The following PRKN variants were observed in gnomAD, a reference collection of about 807,000 sequenced individuals.
PRKN encodes the protein parkin RBR E3 ubiquitin protein ligase.
A neutral mutation model predicts 59.5 loss-of-function variants in PRKN; 56 were observed. The ratio of observed to expected loss-of-function variants is 0.94; its 90% confidence interval spans 0.76 to 1.18. The LOEUF is 1.18. Ranked by LOEUF, PRKN falls within the 50% of genes most tolerant of loss-of-function variation. PRKN has a pLI of 0.00. For synonymous variants in PRKN, 250 were observed against 222.1 expected (o/e 1.13, Z -1.12); for missense variants, 657 against 596.4 (o/e 1.10, Z -1.06).
intron 4 of PRKN, among the ~76,000 whole-genome samples, chr6:162,133,172 T>C (rs184813730): frequency 1.1e-3 from 172 of 152,300 alleles, no homozygotes; most frequent in African/African-American, 4.1e-3. Context: ...ATTCTAGACA[T>C]TGAAGACTGA....
At chr6:162,295,781 G>T (rs1001854805) in intron 2 of PRKN, among the ~76,000 whole-genome samples, 1 of 152,112 alleles carries the variant, frequency 6.6e-6, no homozygotes, top group African/African-American at 2.4e-5. Flanking sequence ...CTTGCCCTTG[G>T]AGTTTATTTT....
At chr6:162,477,240 C>G (rs554207455) in intron 1 of PRKN, among the ~76,000 whole-genome samples, 1 of 152,254 alleles carries the variant, frequency 6.6e-6, no homozygotes, top group East Asian at 1.9e-4. Flanking sequence ...TCATTGCCCA[C>G]CAACTTCTAT....
chr6:161,908,591 A>C (rs1029480363), intron 6 of PRKN, among the ~76,000 whole-genome samples: 48 of 56,936 alleles, frequency 8.4e-4, no homozygotes, highest in Non-Finnish European at 1.7e-3. Flanking sequence ...GATTACAAGA[A>C]AAAAAAACGA....
At chr6:162,246,238 A>G (rs1779186170) in intron 3 of PRKN, among the ~76,000 whole-genome samples, 1 of 152,076 alleles carries the variant, frequency 6.6e-6, no homozygotes. Context: ...CCCTCATGCA[A>G]TCTGACTACT....
chr6:161,951,065 C>G (rs914646514), intron 6 of PRKN, among the ~76,000 whole-genome samples: 3 of 150,510 alleles, frequency 2.0e-5, no homozygotes, highest in African/African-American at 7.4e-5. Flanking sequence ...AGTAATCAGT[C>G]TAAAAAAAGT....
At chr6:162,437,589 A>AC (rs1789840134) in intron 2 of PRKN, among the ~76,000 whole-genome samples, 1 of 151,886 alleles carries the variant, frequency 6.6e-6, no homozygotes, top group African/African-American at 2.4e-5. Flanking sequence ...ACCTGCTTCC[A>AC]CCCCCTTCAG....
At chr6:162,652,348 A>C (rs1256213776) in intron 1 of PRKN, among the ~76,000 whole-genome samples, 1 of 152,176 alleles carries the variant, frequency 6.6e-6, no homozygotes, top group African/African-American at 2.4e-5. Flanking sequence ...GTGTGTTCTT[A>C]ACTGCTGCAC....
At chr6:162,590,517 A>C (rs1314258388) in intron 1 of PRKN, among the ~76,000 whole-genome samples, 2 of 152,182 alleles carry the variant, frequency 1.3e-5, no homozygotes, top group East Asian at 3.9e-4. Flanking sequence ...ATTTCAAAGC[A>C]TCCATTGATC....
At chr6:161,574,839 A>G (rs1437149729) in intron 7 of PRKN, among the ~76,000 whole-genome samples, 1 of 152,216 alleles carries the variant, frequency 6.6e-6, no homozygotes, top group Non-Finnish European at 1.5e-5. Flanking sequence ...TCTTTGCTCA[A>G]GAAAACAGAA....
chr6:162,180,619 C>A (rs778805056), intron 4 of PRKN, among the ~76,000 whole-genome samples: 21 of 152,194 alleles, frequency 1.4e-4, no homozygotes, highest in Non-Finnish European at 2.2e-4. Context: ...CGAATCTTTT[C>A]TCCTCCTTTT....
chr6:161,720,412 C>T (rs1250360823), intron 7 of PRKN, among the ~76,000 whole-genome samples: 1 of 152,120 alleles, frequency 6.6e-6, no homozygotes, highest in Non-Finnish European at 1.5e-5. Flanking sequence ...TCAATGCTGT[C>T]AATCCTCCTG....
At chr6:162,235,951 AAGAAAGG>A (rs1778654499) in intron 3 of PRKN, among the ~76,000 whole-genome samples, 2 of 94,234 alleles carry the variant, frequency 2.1e-5, no homozygotes, top group African/African-American at 5.6e-5. Flanking sequence ...GGAAGGAAGG[AAGAAAGG>A]AAGAAAGAAA....
In PRKN at chr6:162,321,398, C is replaced by T. The variant is rs550465104; in HGVS notation, c.172-58633G>A. 3.2e-4 allele frequency among the ~76,000 whole-genome samples: 49 copies of T among 151,914 alleles called. No individual in the cohort carries two copies. In the South Asian group the frequency reaches 3.7e-3, roughly 12 times the overall value. On this transcript the variant is annotated intron_variant, in intron 2 of 11. Coordinates refer to ENST00000366898, the MANE Select transcript of PRKN (RefSeq NM_004562.3). The stretch of plus-strand genomic sequence containing the variant: ...TGATACTGCATTAAAAAACCTCAAA[C>T]GAAGAAAACTTTTAGGCCCAGATGT...
At chr6:161,688,245 C>T (rs959558039) in intron 7 of PRKN, among the ~76,000 whole-genome samples, 10 of 152,178 alleles carry the variant, frequency 6.6e-5, no homozygotes, top group Non-Finnish European at 4.4e-5. Context: ...GTCATTTTCA[C>T]CCCCAGTGCC....
chr6:161,506,857 A>G (rs549021300), intron 9 of PRKN, among the ~76,000 whole-genome samples: 14 of 152,340 alleles, frequency 9.2e-5, no homozygotes, highest in African/African-American at 3.4e-4. Context: ...CAAAAAGTCA[A>G]TTTGGGGAAC....
At position 161,703,488 on chromosome 6, in the gene PRKN, C is replaced by T. The variant is rs554439834; in HGVS notation, c.871+82284G>A. ...AAAGGCCAGATAACACCAGGGCTGG[C>T]AAAGATGCAGAGCACTAAAGACTCC... On this transcript the variant is annotated intron_variant, in intron 7 of 11. Coordinates refer to ENST00000366898, the MANE Select transcript of PRKN (RefSeq NM_004562.3). Among the ~76,000 whole-genome samples the T allele has an allele frequency of 1.3e-4, 20 of 152,218 alleles. 1 individual carries two copies. The South Asian group carries it at 4.2e-3, about 32-fold the overall frequency.
chr6:162,604,282 T>A (rs1317544654), intron 1 of PRKN, among the ~76,000 whole-genome samples: 4 of 152,174 alleles, frequency 2.6e-5, no homozygotes, highest in Non-Finnish European at 1.5e-5. Context: ...TCAGCACTGA[T>A]CCCCTTGGGT....
chr6:161,552,522 C>T lies in PRKN; in HGVS notation c.934-3519G>A, dbSNP rs1307763140. On this transcript the variant is annotated intron_variant, in intron 8 of 11. Transcript: ENST00000366898. This position sits in a 1 kb window ranked among gnomAD's most constrained non-coding sequence, Gnocchi z 4.9. ...GCCCCTCTCCCTCAGCTCTGCATCA[C>T]CGAACTGCTCAACCTACTTTTTTGT... is the stretch of plus-strand genomic sequence containing the variant. 6.6e-6 allele frequency among the ~76,000 whole-genome samples: 1 copy of T among 152,028 alleles called. No individual in the cohort carries two copies. The highest frequency in any genetic ancestry group is 6.6e-5 in the Admixed American group (1 of 15,264).
rs1415446716 is a variant in PRKN, at chr6:161,360,675, C to G, written c.1168-470G>C. Among the ~76,000 whole-genome samples the G allele has an allele frequency of 6.6e-6, 1 of 152,160 alleles. No individual in the cohort carries two copies. The highest frequency in any genetic ancestry group is 1.5e-5 in the Non-Finnish European group (1 of 68,030). The stretch of plus-strand genomic sequence containing the variant: ...CTGGAATCTTTGCTTTTAAACTTTG[C>G]TCTACATCTTGTTATCCTTCCTTGC... On this transcript the variant is annotated intron_variant, in intron 10 of 11. Coordinates refer to ENST00000366898, the MANE Select transcript of PRKN (RefSeq NM_004562.3). The surrounding 1 kb of genome is among the most constrained non-coding windows in gnomAD (Gnocchi z 5.1).
Sources: gnomAD v4.1 joint callset for allele counts (sites outside exome capture counted in the v4.1 genomes callset) on GRCh38, gnomAD v4.1.1 for gene constraint, Gnocchi (gnomAD v3.1) non-coding constraint, MANE v1.5 for transcripts, NCBI Gene and HGNC (gene_info 2026-07-23, HGNC 2026-07-21) for gene names.